Variants in ENOX1 observed in about 807,000 individuals in gnomAD.
The protein encoded by ENOX1 is candidate growth-related and time keeping constitutive hydroquinone (NADH) oxidase.
Under a neutral mutation model 82.5 loss-of-function variants are expected in ENOX1, and 42 were observed. That is an observed-to-expected ratio of 0.51 (90% confidence interval 0.40 to 0.66). The LOEUF (loss-of-function observed/expected upper bound fraction) is 0.66, where lower values mean the gene tolerates loss of function less well. Ranked by LOEUF, ENOX1 falls within the 30% of genes least tolerant of loss-of-function variation. The pLI is 0.00. For missense variants in ENOX1, 608 were observed against 811.6 expected (o/e 0.75, Z 3.05); for synonymous variants, 271 against 282.2 (o/e 0.96, Z 0.40).
intron 2 of ENOX1, among the ~76,000 whole-genome samples, chr13:43,577,113 T>C (rs1490091874): frequency 1.4e-5 from 2 of 144,414 alleles, no homozygotes; most frequent in East Asian, 2.1e-4. Flanking sequence ...ATGTTCCTTT[T>C]AGAGTGATAA....
At chr13:43,704,533 GA>G (rs1240209628) in intron 1 of ENOX1, among the ~76,000 whole-genome samples, 1 of 152,148 alleles carries the variant, frequency 6.6e-6, no homozygotes, top group Non-Finnish European at 1.5e-5. Flanking sequence ...AAGATAGGTG[GA>G]ATTCAAGCAG....
intron 3 of ENOX1, among the ~76,000 whole-genome samples, chr13:43,413,389 A>T (rs1276411008): frequency 1.3e-5 from 2 of 152,186 alleles, no homozygotes; most frequent in Non-Finnish European, 2.9e-5. Flanking sequence ...TAAAAAATTA[A>T]TTGATGCTGT....
In ENOX1 at chr13:43,482,249, C is replaced by T. The variant is rs148301420; in HGVS notation, c.-75+1760G>A. ...GATGTGGAAAGAACCTAAATGCCCA[C>T]TGACAAATGAATGAGTAAATATGGT... On this transcript the variant is annotated intron_variant, in intron 3 of 16. Transcript: ENST00000690772. 1.3e-4 allele frequency among the ~76,000 whole-genome samples: 20 copies of T among 152,270 alleles called. No homozygotes were observed. The East Asian group carries it at 2.3e-3, about 18-fold the overall frequency.
chr13:43,220,791 C>T (rs2041745824), intron 16 of ENOX1, among the ~76,000 whole-genome samples: 1 of 152,182 alleles, frequency 6.6e-6, no homozygotes. Context: ...ATTGATATTA[C>T]TGTGACAGGC....
At chr13:43,702,576 C>G (rs2086967013) in intron 1 of ENOX1, among the ~76,000 whole-genome samples, 1 of 152,132 alleles carries the variant, frequency 6.6e-6, no homozygotes, top group Non-Finnish European at 1.5e-5. Flanking sequence ...TATGTAGAAA[C>G]TTGGTATTAA....
intron 3 of ENOX1, among the ~76,000 whole-genome samples, chr13:43,437,185 T>A (rs1463217629): frequency 2.0e-5 from 3 of 152,126 alleles, no homozygotes; most frequent in Non-Finnish European, 4.4e-5. Context: ...ATAGCAAAGA[T>A]GACAGAACTG....
At chr13:43,243,640 T>C (rs1199843345) in intron 14 of ENOX1, among the ~76,000 whole-genome samples, 1 of 152,226 alleles carries the variant, frequency 6.6e-6, no homozygotes, top group Non-Finnish European at 1.5e-5. Flanking sequence ...ACTTTGTCTC[T>C]GCCTCTAGGC....
intron 1 of ENOX1, among the ~76,000 whole-genome samples, chr13:43,677,267 T>G (rs1352152824): frequency 6.6e-6 from 1 of 152,030 alleles, no homozygotes; most frequent in Non-Finnish European, 1.5e-5. Context: ...AAAGCCCGAG[T>G]CAGTCAGCCA....
chr13:43,662,770 C>A (rs1278703888), intron 2 of ENOX1, among the ~76,000 whole-genome samples: 1 of 152,150 alleles, frequency 6.6e-6, no homozygotes, highest in African/African-American at 2.4e-5. Flanking sequence ...GCTGCACTTC[C>A]AGCATAAATA....
intron 5 of ENOX1, among the ~76,000 whole-genome samples, chr13:43,372,619 A>T (rs969107440): frequency 6.6e-6 from 1 of 152,188 alleles, no homozygotes; most frequent in Non-Finnish European, 1.5e-5. Context: ...CTGAAAGGCA[A>T]GCTAACCAAA....
At chr13:43,333,728 T>G (rs993126797) in intron 9 of ENOX1, among the ~76,000 whole-genome samples, 1 of 152,236 alleles carries the variant, frequency 6.6e-6, no homozygotes, top group East Asian at 1.9e-4. Context: ...GTTCAAGTGA[T>G]TCTTCAGCCT....
At chr13:43,655,153 T>C (rs970301837) in intron 2 of ENOX1, among the ~76,000 whole-genome samples, 2 of 152,168 alleles carry the variant, frequency 1.3e-5, no homozygotes, top group Admixed American at 1.3e-4. Flanking sequence ...TTTATTGGTG[T>C]CTGGATGATC....
intron 13 of ENOX1, 61 bp downstream of exon 13, chr13:43,269,408 AG>A: frequency 1.6e-6 from 2 of 1,250,570 alleles, no homozygotes; most frequent in South Asian, 1.2e-5. Context: ...GTGACGCACA[AG>A]GGAGGTATGC....
intron 2 of ENOX1, among the ~76,000 whole-genome samples, chr13:43,514,737 C>T (rs9533515): frequency 0.35 from 52,583 of 152,034 alleles, 10,753 homozygotes; most frequent in East Asian, 0.81. Context: ...CATACCTTTA[C>T]AACAGCTCTT....
intron 3 of ENOX1, among the ~76,000 whole-genome samples, chr13:43,426,972 C>T (rs908278766): frequency 1.3e-5 from 2 of 152,140 alleles, no homozygotes; most frequent in African/African-American, 4.8e-5. Context: ...AAATGCACTC[C>T]CCAAACTCTT....
chr13:43,472,016 A>T (rs1032082883), intron 3 of ENOX1, among the ~76,000 whole-genome samples: 1 of 151,882 alleles, frequency 6.6e-6, no homozygotes, highest in Non-Finnish European at 1.5e-5. Context: ...TTCACAAAAA[A>T]AAAGAAAAGA....
intron 5 of ENOX1, among the ~76,000 whole-genome samples, chr13:43,370,335 C>T (rs1191772971): frequency 6.6e-6 from 1 of 152,076 alleles, no homozygotes. Flanking sequence ...CCACTGCAGT[C>T]CAGCCTGGGC....
At chr13:43,560,521 A>T (rs762060683) in intron 2 of ENOX1, among the ~76,000 whole-genome samples, 17 of 151,908 alleles carry the variant, frequency 1.1e-4, no homozygotes, top group Non-Finnish European at 1.9e-4. Context: ...CTTGGCTGTT[A>T]TATTTTTCTT....
intron 2 of ENOX1, among the ~76,000 whole-genome samples, chr13:43,508,248 T>C (rs893120308): frequency 5.3e-5 from 8 of 152,072 alleles, no homozygotes; most frequent in East Asian, 3.9e-4. Context: ...TAGGTCCTTT[T>C]AGCTCTTCTG....
Sources: allele counts gnomAD v4.1 joint callset (sites outside exome capture counted in the v4.1 genomes callset), GRCh38; gene constraint gnomAD v4.1.1; transcripts MANE v1.5; gene names NCBI Gene and HGNC (gene_info 2026-07-23, HGNC 2026-07-21).